The following ALKBH5 variants were observed in gnomAD, a reference collection of about 807,000 sequenced individuals.
ALKBH5 encodes RNA demethylase ALKBH5.
ALKBH5 carries 2 observed loss-of-function variants against 32.1 expected under a neutral mutation model. That is an observed-to-expected ratio of 0.06 (90% CI 0.03 to 0.20). The LOEUF is 0.20. ALKBH5 is among the 10% of genes least tolerant of loss of function. The pLI, the probability that ALKBH5 is intolerant of heterozygous loss-of-function variation, is 1.00. For synonymous variants in ALKBH5, 300 were observed against 231.7 expected (o/e 1.29, Z -2.68); for missense variants, 352 against 559.5 (o/e 0.63, Z 3.74).
chr17:18,186,450 T>C lies in ALKBH5; in HGVS notation c.770+1437T>C, dbSNP rs547925423. 2.0e-5 allele frequency among the ~76,000 whole-genome samples: 3 copies of C among 152,232 alleles called. No homozygotes were observed. In the South Asian group the frequency reaches 6.2e-4, roughly 32 times the overall value. ...AAAAATTACCTCACACAAGGACCAT[T>C]TGGTCTCTTAGCGGGATATTAATTT... On this transcript the variant is annotated intron_variant, in intron 1 of 3. Transcript: ENST00000399138.
intron 2 of ALKBH5, among the ~76,000 whole-genome samples, chr17:18,197,877 G>T (rs2047213194): frequency 6.6e-6 from 1 of 152,218 alleles, no homozygotes; most frequent in African/African-American, 2.4e-5. Context: ...GACTGGAGAA[G>T]AGTGGGAGGA....
chr17:18,207,482 G>A (rs1288510257), intron 3 of ALKBH5, among the ~76,000 whole-genome samples: 1 of 152,104 alleles, frequency 6.6e-6, no homozygotes, highest in Non-Finnish European at 1.5e-5. Context: ...CTAAGACGGT[G>A]AAACCCCGTC....
rs1220965113 is a variant in ALKBH5, at chr17:18,184,578, C to T, written c.335C>T (p.Ser112Phe). ...KIEARIDEVVSRAEKGLYNEH... is the reference protein window; with the variant it reads ...KIEARIDEVVFRAEKGLYNEH... ...GAGGCCCGCATTGACGAGGTGGTGTCCCGCGCTGAGAAGGGCCTGTACAAC... is the reference window on the plus strand; with the variant it reads ...GAGGCCCGCATTGACGAGGTGGTGTTCCGCGCTGAGAAGGGCCTGTACAAC... Residue 112 changes from serine to phenylalanine, a missense_variant, in exon 1 of 4, where the codon TCC (serine) becomes TTC (phenylalanine). Coordinates refer to ENST00000399138, the MANE Select transcript of ALKBH5 (RefSeq NM_017758.4). 24 of 1,613,336 alleles carry T rather than the reference C, an allele frequency of 1.5e-5. No individual in the cohort carries two copies. Among genetic ancestry groups the T allele is most frequent in the Non-Finnish European group, 1.9e-5 (23 of 1,180,014 alleles).
chr17:18,206,659 C>A (rs2047270412), intron 2 of ALKBH5, 156 bp from the exon 3 acceptor site: 2 of 764,066 alleles, frequency 2.6e-6, no homozygotes, highest in African/African-American at 1.7e-5. Context: ...CTAGACCAAT[C>A]TCTAGTTGAA....
intron 1 of ALKBH5, among the ~76,000 whole-genome samples, 186 bp downstream of exon 1, chr17:18,185,199 C>G (rs893071700): frequency 1.3e-5 from 2 of 152,122 alleles, no homozygotes; most frequent in Non-Finnish European, 2.9e-5. Flanking sequence ...AAATAGGGAA[C>G]CGATGTGGAA....
chr17:18,202,496 C>T (rs2142487016), intron 2 of ALKBH5, among the ~76,000 whole-genome samples: 1 of 152,162 alleles, frequency 6.6e-6, no homozygotes, highest in East Asian at 1.9e-4. Context: ...TCTAGGGACC[C>T]AGGTTACTAA....
rs1166556989 is a variant in ALKBH5 at position 18,184,116 on chromosome 17, C to T, written c.-128C>T. 31 of 863,576 alleles carry T rather than the reference C, an allele frequency of 3.6e-5. No individual in the cohort carries two copies. In the South Asian group the frequency reaches 4.2e-4, roughly 12 times the overall value. 53.5% of individuals were successfully genotyped at this position (863,576 alleles called of 1,614,324 possible). A position where few individuals can be genotyped will look rare whatever the true frequency, so the allele number is the denominator to read the frequency against. On this transcript the variant is annotated 5_prime_UTR_variant, in exon 1 of 4. Transcript: ENST00000399138. ...CCCTCGACGCCCCCCGCCGGGTCCC[C>T]CACTCACGCATGGGGGTTCGGCGCT...
rs745443248 is a variant in ALKBH5 at position 18,208,445 on chromosome 17, C to T, written c.*49C>T. The T allele has an allele frequency of 1.9e-5, 31 of 1,595,778 alleles. No homozygotes were observed. Among genetic ancestry groups the T allele is most frequent in the Non-Finnish European group, 2.6e-5 (31 of 1,171,162 alleles). On this transcript the variant is annotated 3_prime_UTR_variant, in exon 4 of 4. Coordinates refer to ENST00000399138, the MANE Select transcript of ALKBH5 (RefSeq NM_017758.4). Reference sequence around the variant, plus strand: ...ACTCTGGCTCATCCTTACGTAGTTGCCCCTCCTTTTGTTTTGAGGGTTTTG... The same window carrying T: ...ACTCTGGCTCATCCTTACGTAGTTGTCCCTCCTTTTGTTTTGAGGGTTTTG...
rs534840309 is a variant in ALKBH5 at position 18,206,977 on chromosome 17, A to G, written c.1007+7A>G. The stretch of plus-strand genomic sequence containing the variant: ...ACCCTGATGCTGCCCACAGGTACTC[A>G]GTTTAGGACCCTCAGCAAAGGCTGG... On this transcript the variant is annotated splice_region_variant and intron_variant, in intron 3 of 3. Transcript: ENST00000399138. The G allele has an allele frequency of 3.6e-5, 58 of 1,612,348 alleles. No individual in the cohort carries two copies. The South Asian group carries it at 5.6e-4, about 16-fold the overall frequency.
At chr17:18,197,051 T>C (rs2047208435) in intron 2 of ALKBH5, among the ~76,000 whole-genome samples, 1 of 152,196 alleles carries the variant, frequency 6.6e-6, no homozygotes, top group South Asian at 2.1e-4. Flanking sequence ...CTCCAGAATA[T>C]TGTAGTGGTG....
chr17:18,184,325 C>T lies in ALKBH5; in HGVS notation c.82C>T (p.Arg28Trp). Residue 28 changes from arginine to tryptophan, a missense_variant, in exon 1 of 4, where the codon CGG becomes TGG. Coordinates refer to ENST00000399138, the MANE Select transcript of ALKBH5 (RefSeq NM_017758.4). Reference protein sequence around the residue: ...TSRDNYKAGSREAAAAAAAAV... With the variant: ...TSRDNYKAGSWEAAAAAAAAV... Reference sequence around the variant, plus strand: ...CCGGGACAACTATAAGGCGGGCAGCCGGGAGGCCGCCGCCGCTGCCGCAGC... The same window carrying T: ...CCGGGACAACTATAAGGCGGGCAGCTGGGAGGCCGCCGCCGCTGCCGCAGC... 1.3e-6 allele frequency: 2 copies of T among 1,513,360 alleles called. No individual in the cohort carries two copies. Among genetic ancestry groups the T allele is most frequent in the Non-Finnish European group, 1.8e-6 (2 of 1,134,662 alleles). 93.7% of individuals were successfully genotyped at this position (1,513,360 alleles called of 1,614,324 possible).
In ALKBH5 at chr17:18,206,982, A is replaced by C. The variant is rs767958516; in HGVS notation, c.1007+12A>C. The stretch of plus-strand genomic sequence containing the variant: ...GATGCTGCCCACAGGTACTCAGTTT[A>C]GGACCCTCAGCAAAGGCTGGCAAAG... On this transcript the variant is annotated intron_variant, in intron 3 of 3. Transcript: ENST00000399138. 5 of 1,611,780 alleles carry C rather than the reference A, an allele frequency of 3.1e-6. No individual in the cohort carries two copies. In the Admixed American group the frequency reaches 8.4e-5, roughly 27 times the overall value.
chr17:18,184,197 G>A lies in ALKBH5; in HGVS notation c.-47G>A. On this transcript the variant is annotated 5_prime_UTR_variant, in exon 1 of 4. Coordinates refer to ENST00000399138, the MANE Select transcript of ALKBH5 (RefSeq NM_017758.4). ...GCGCGTCCCCTTAGAGCCATGCCCG[G>A]CTGCCCCGCCCGCCCCGGAGGACCC... 6.9e-7 allele frequency: 1 copy of A among 1,445,336 alleles called. No individual in the cohort carries two copies. Among genetic ancestry groups the A allele is most frequent in the Non-Finnish European group, 9.1e-7 (1 of 1,100,616 alleles). 89.5% of individuals were successfully genotyped at this position (1,445,336 alleles called of 1,614,324 possible).
chr17:18,208,553 A>G lies in ALKBH5; in HGVS notation c.*157A>G, dbSNP rs982666023. Reference sequence around the variant, plus strand: ...TTTTTCCTTGGTTTTGTTGCCTGTTAGGGCTGAAGAATAGAATTGGCCAGG... The same window carrying G: ...TTTTTCCTTGGTTTTGTTGCCTGTTGGGGCTGAAGAATAGAATTGGCCAGG... On this transcript the variant is annotated 3_prime_UTR_variant, in exon 4 of 4. Transcript: ENST00000399138. 1 of 900,612 alleles carries G rather than the reference A, an allele frequency of 1.1e-6. No individual in the cohort carries two copies. The highest frequency in any genetic ancestry group is 1.7e-5 in the African/African-American group (1 of 59,896). The allele number at this position is 900,612 out of a possible 1,614,324, so 55.8% of individuals were successfully genotyped here. A position where few individuals can be genotyped will look rare whatever the true frequency, so the allele number is the denominator to read the frequency against.
intron 2 of ALKBH5, among the ~76,000 whole-genome samples, chr17:18,201,794 A>AAGATAGATAGAT (rs57735712): frequency 3.2e-3 from 428 of 134,492 alleles, no homozygotes; most frequent in East Asian, 7.2e-3. Flanking sequence ...TAGGATAGAT[A>AAGATAGATAGAT]AGATAGATAG....
intron 2 of ALKBH5, among the ~76,000 whole-genome samples, chr17:18,200,988 A>G (rs1264398751): frequency 6.7e-6 from 1 of 148,962 alleles, no homozygotes; most frequent in African/African-American, 2.5e-5. Context: ...GAAGCTCAAT[A>G]GCTTACTTGG....
intron 3 of ALKBH5, among the ~76,000 whole-genome samples, chr17:18,207,830 G>T (rs2047278559): frequency 6.6e-6 from 1 of 152,154 alleles, no homozygotes; most frequent in South Asian, 2.1e-4. Flanking sequence ...GGGGGTAATG[G>T]GGTTAGTAAG....
Position 18,206,802 on chromosome 17 carries a change from G to A in ALKBH5, c.852-13G>A. 6.2e-7 allele frequency: 1 copy of A among 1,613,504 alleles called. No homozygotes were observed. Among genetic ancestry groups the A allele is most frequent in the Non-Finnish European group, 8.5e-7 (1 of 1,179,582 alleles). On this transcript the variant is annotated splice_polypyrimidine_tract_variant and intron_variant, in intron 2 of 3. Transcript: ENST00000399138. ...GAGGCCCTTTGGTGACCCCATGCAT[G>A]TTTCCTTTGCAGGACAAGATTAGAT...
chr17:18,195,420 C>G (rs889441890), intron 2 of ALKBH5, among the ~76,000 whole-genome samples: 1 of 152,166 alleles, frequency 6.6e-6, no homozygotes, highest in Non-Finnish European at 1.5e-5. Flanking sequence ...TAGCAGCCTG[C>G]TTTAAAAATG....
Sources: allele counts gnomAD v4.1 joint callset (sites outside exome capture counted in the v4.1 genomes callset), GRCh38; gene constraint gnomAD v4.1.1; transcripts MANE v1.5; gene names NCBI Gene and HGNC (gene_info 2026-07-23, HGNC 2026-07-21).